Variants in BAZ2B observed in about 807,000 individuals in gnomAD.
BAZ2B encodes bromodomain adjacent to zinc finger domain protein 2B.
Under a neutral mutation model 246.0 loss-of-function variants are expected in BAZ2B, and 91 were observed. That is an observed-to-expected ratio of 0.37 (90% CI 0.31 to 0.44). BAZ2B has a LOEUF of 0.44. Ranked by LOEUF, BAZ2B falls within the 20% of genes least tolerant of loss-of-function variation. BAZ2B has a pLI of 1.00. For missense variants in BAZ2B, 2,332 were observed against 2,533.7 expected (o/e 0.92, Z 1.71); for synonymous variants, 855 against 860.0 (o/e 0.99, Z 0.10).
chr2:159,469,762 G>T (rs2077547234), intron 3 of BAZ2B, among the ~76,000 whole-genome samples: 1 of 152,000 alleles, frequency 6.6e-6, no homozygotes, highest in Admixed American at 6.6e-5. Flanking sequence ...TTTAAAAGGT[G>T]AATTCATGAT....
At chr2:159,441,824 T>A (rs1270019379) in intron 6 of BAZ2B, among the ~76,000 whole-genome samples, 1 of 152,120 alleles carries the variant, frequency 6.6e-6, no homozygotes, top group African/African-American at 2.4e-5. Flanking sequence ...TCTTCTTAGG[T>A]TTATCAAAAA....
At chr2:159,469,639 T>A (rs908451727) in intron 3 of BAZ2B, among the ~76,000 whole-genome samples, 1 of 151,984 alleles carries the variant, frequency 6.6e-6, no homozygotes, top group African/African-American at 2.4e-5. Flanking sequence ...CGCGGTTTCA[T>A]CATGTTGGCG....
the BAZ2B span, among the ~76,000 whole-genome samples, chr2:159,636,047 A>C: frequency 6.6e-6 from 1 of 152,084 alleles, no homozygotes; most frequent in South Asian, 2.1e-4. Flanking sequence ...ACAGAACAAG[A>C]CTCCATCTCA....
intron 13 of BAZ2B, among the ~76,000 whole-genome samples, chr2:159,419,302 C>T (rs888690746): frequency 2.6e-5 from 4 of 151,888 alleles, no homozygotes; most frequent in Non-Finnish European, 1.5e-5. Context: ...CGGGAATGAG[C>T]AAAGAAAGGG....
chr2:159,359,201 G>C (rs976972997), intron 27 of BAZ2B, among the ~76,000 whole-genome samples: 1 of 152,072 alleles, frequency 6.6e-6, no homozygotes, highest in African/African-American at 2.4e-5. Flanking sequence ...AAAATAGACA[G>C]ACTGGTAGCC....
chr2:159,586,134 T>G (rs1187792291), intron 1 of BAZ2B, among the ~76,000 whole-genome samples: 2 of 152,220 alleles, frequency 1.3e-5, no homozygotes, highest in African/African-American at 4.8e-5. Context: ...CTTTAAAATT[T>G]CACGTTAAAC....
the BAZ2B span, among the ~76,000 whole-genome samples, chr2:159,630,532 TTCTC>T: frequency 7.6e-6 from 1 of 130,740 alleles, no homozygotes; most frequent in Non-Finnish European, 1.6e-5. Flanking sequence ...AACCGTATTC[TTCTC>T]TCTTTTTTTT....
At chr2:159,395,932 T>G in intron 19 of BAZ2B, 98 bp from the exon 20 acceptor site, 1 of 1,044,212 alleles carries the variant, frequency 9.6e-7, no homozygotes, top group Non-Finnish European at 1.4e-6. Context: ...AAAAACTCAG[T>G]ATAGCATGTT....
chr2:159,346,709 CAAAA>C (rs1288357193), intron 31 of BAZ2B, among the ~76,000 whole-genome samples: 3 of 151,936 alleles, frequency 2.0e-5, no homozygotes, highest in Admixed American at 2.0e-4. Context: ...AACAAAAAAA[CAAAA>C]AACCCCCAAA....
At chr2:159,686,867 C>G in the BAZ2B span, among the ~76,000 whole-genome samples, 2 of 151,782 alleles carry the variant, frequency 1.3e-5, no homozygotes, top group Non-Finnish European at 2.9e-5. Flanking sequence ...ATGGTGAAAC[C>G]CTGTCTCTAC....
the BAZ2B span, among the ~76,000 whole-genome samples, chr2:159,664,167 G>A: frequency 4.1e-4 from 4 of 9,858 alleles, 1 homozygote; most frequent in South Asian, 9.3e-3. Context: ...GAGAATGATG[G>A]TTTCCAATTT....
At chr2:159,581,475 GACTGT>G (rs1686764705) in intron 1 of BAZ2B, among the ~76,000 whole-genome samples, 1 of 152,148 alleles carries the variant, frequency 6.6e-6, no homozygotes, top group South Asian at 2.1e-4. Context: ...CTGTTGGTGG[GACTGT>G]AAACTAGTTC....
In BAZ2B at chr2:159,554,601, C is replaced by T. The variant is rs191308314; in HGVS notation, c.-3+1222G>A. 2.1e-5 allele frequency among the ~76,000 whole-genome samples: 3 copies of T among 143,712 alleles called. No individual in the cohort carries two copies. In the East Asian group the frequency reaches 6.0e-4, roughly 29 times the overall value. 94.3% of individuals were successfully genotyped at this position (143,712 alleles called of 152,430 possible). A position where few individuals can be genotyped will look rare whatever the true frequency, so the allele number is the denominator to read the frequency against. ...TAAACTTAACAAATGAACCAGTTTTCAAAAAAAAAAGATTGAACATAAATA... is the reference window on the plus strand; with the variant it reads ...TAAACTTAACAAATGAACCAGTTTTTAAAAAAAAAAGATTGAACATAAATA... On this transcript the variant is annotated intron_variant, in intron 2 of 36. Transcript: ENST00000392783.
intron 9 of BAZ2B, 40 bp downstream of exon 9, chr2:159,432,717 G>A: frequency 3.2e-6 from 5 of 1,582,542 alleles, no homozygotes; most frequent in South Asian, 1.2e-5. Context: ...GGTTCACATA[G>A]CATTTAGAGA....
the BAZ2B span, among the ~76,000 whole-genome samples, chr2:159,687,005 A>G: frequency 1.1e-4 from 16 of 139,166 alleles, no homozygotes; most frequent in East Asian, 6.6e-4. Flanking sequence ...TTGCGCCACT[A>G]CGCTCCAGCC....
chr2:159,496,779 G>A (rs575512101), intron 2 of BAZ2B, among the ~76,000 whole-genome samples: 10 of 60,150 alleles, frequency 1.7e-4, no homozygotes, highest in African/African-American at 3.7e-4. Context: ...GGGAAACTCC[G>A]TCTCAAAAAA....
chr2:159,671,047 AT>A, the BAZ2B span, among the ~76,000 whole-genome samples: 1 of 152,022 alleles, frequency 6.6e-6, no homozygotes, highest in Admixed American at 6.6e-5. Context: ...TGCTTTCATA[AT>A]TTTTTCTTTA....
intron 31 of BAZ2B, among the ~76,000 whole-genome samples, chr2:159,346,329 G>A (rs576365553): frequency 6.6e-6 from 1 of 152,328 alleles, no homozygotes; most frequent in East Asian, 1.9e-4. Context: ...ATAGCATTAT[G>A]CCATAAATTT....
intron 1 of BAZ2B, among the ~76,000 whole-genome samples, chr2:159,567,902 G>A (rs1478920038): frequency 2.0e-5 from 3 of 152,196 alleles, no homozygotes; most frequent in Non-Finnish European, 4.4e-5. Context: ...AACCTGGGAG[G>A]CGGAGGTTGC....
Sources: gnomAD v4.1 joint callset for allele counts (sites outside exome capture counted in the v4.1 genomes callset) on GRCh38, gnomAD v4.1.1 for gene constraint, MANE v1.5 for transcripts, NCBI Gene and HGNC (gene_info 2026-07-23, HGNC 2026-07-21) for gene names.